The following TGM2 variants were observed in gnomAD, a reference collection of about 807,000 sequenced individuals.
The protein encoded by TGM2 is transglutaminase 2.
A neutral mutation model predicts 75.6 loss-of-function variants in TGM2; 53 were observed. That is an observed-to-expected ratio of 0.70 (90% confidence interval 0.56 to 0.88). TGM2 has a LOEUF of 0.88. Among genes scored for constraint, TGM2 ranks in the 40% least tolerant of loss-of-function variants. The pLI is 0.00. For synonymous variants in TGM2, 374 were observed against 381.1 expected (o/e 0.98, Z 0.22); for missense variants, 842 against 928.5 (o/e 0.91, Z 1.21).
chr20:38,148,238 G>T, intron 4 of TGM2, 149 bp from the exon 5 acceptor site: 1 of 1,033,198 alleles, frequency 9.7e-7, no homozygotes, highest in Non-Finnish European at 1.5e-6. Context: ...TCTCTCTGGT[G>T]GCAGCTTCTC....
At chr20:38,144,951 G>GGGT (rs2075027157) in intron 6 of TGM2, among the ~76,000 whole-genome samples, 3 of 152,196 alleles carry the variant, frequency 2.0e-5, no homozygotes, top group South Asian at 2.1e-4. Context: ...AGGGTGACCA[G>GGGT]GATGACCAGG....
intron 6 of TGM2, among the ~76,000 whole-genome samples, chr20:38,143,825 G>A (rs1452249312): frequency 1.3e-5 from 2 of 152,212 alleles, no homozygotes; most frequent in Admixed American, 6.5e-5. Context: ...TTGGGAGTGG[G>A]GGAGAAGGGA....
chr20:38,149,069 G>A (rs2075081666), intron 4 of TGM2, among the ~76,000 whole-genome samples: 1 of 152,080 alleles, frequency 6.6e-6, no homozygotes, highest in Non-Finnish European at 1.5e-5. Context: ...CTCATCTCTT[G>A]GGGCTCCTTC....
rs939487246 is a variant in TGM2 at position 38,141,458 on chromosome 20, A to G, written c.996-73T>C. 24 of 1,124,972 alleles carry G rather than the reference A, an allele frequency of 2.1e-5. No individual in the cohort carries two copies. The Admixed American group carries it at 4.2e-4, about 20-fold the overall frequency. 69.7% of individuals were successfully genotyped at this position (1,124,972 alleles called of 1,614,324 possible). On this transcript the variant is annotated intron_variant, in intron 7 of 12. Coordinates refer to ENST00000361475, the MANE Select transcript of TGM2 (RefSeq NM_004613.4). ...CATCGCCACCTCCCACGGGCAGACC[A>G]TGCATTCATGTCCCCAGATGCAAGC...
chr20:38,166,959 C>T (rs1342362734), upstream of TGM2, among the ~76,000 whole-genome samples: 1 of 152,148 alleles, frequency 6.6e-6, no homozygotes, highest in African/African-American at 2.4e-5. Flanking sequence ...TCCCACTCTG[C>T]CCCTGACCAG....
At position 38,128,181 on chromosome 20, in the gene TGM2, C is replaced by T. The variant is rs546663158; in HGVS notation, c.*2038G>A. On this transcript the variant is annotated 3_prime_UTR_variant, in exon 13 of 13. Transcript: ENST00000361475. ...GCAGGGAAAGAAAAGGAGGGGCACT[C>T]CAGGCTCAGGGAACTACATACACAA... 4 of 152,282 alleles carry T rather than the reference C, an allele frequency of 2.6e-5. No individual in the cohort carries two copies. In the East Asian group the frequency reaches 7.7e-4, roughly 29 times the overall value. The allele number at this position is 152,282 out of a possible 1,614,324, so 9.4% of individuals were successfully genotyped here. A position where few individuals can be genotyped will look rare whatever the true frequency, so the allele number is the denominator to read the frequency against.
intron 5 of TGM2, 66 bp from the exon 6 acceptor site, chr20:38,146,960 A>G (rs2075054383): frequency 3.2e-6 from 5 of 1,548,472 alleles, no homozygotes; most frequent in African/African-American, 2.7e-5. Context: ...CGCCTGGGTG[A>G]GCCTGAGTAC....
chr20:38,158,203 G>A (rs1429999759), intron 2 of TGM2, among the ~76,000 whole-genome samples: 2 of 152,210 alleles, frequency 1.3e-5, no homozygotes, highest in Admixed American at 6.5e-5. Flanking sequence ...GTCAGGAAAC[G>A]CATTTCCCTT....
rs2075254299 is a variant in TGM2, at chr20:38,161,582, A to T, written c.28T>A (p.Cys10Ser). 2 of 1,613,934 alleles carry T rather than the reference A, an allele frequency of 1.2e-6. No individual in the cohort carries two copies. Among genetic ancestry groups the T allele is most frequent in the Non-Finnish European group, 8.5e-7 (1 of 1,179,980 alleles). The change falls in exon 2 of 13, where the codon TGT (cysteine) becomes AGT (serine). Residue 10 changes from cysteine to serine, a missense_variant. Physicochemically the swap from Cys to Ser is moderately radical, Grantham distance 112. Coordinates refer to ENST00000361475, the MANE Select transcript of TGM2 (RefSeq NM_004613.4). ...CCATTGGTCTCCAGCTCCAGATCAC[A>T]CCTCTCTAAGACCAGCTCTATGGAA... MAEELVLER[C>S]DLELETNGRD...
chr20:38,152,950 C>T (rs527517818), intron 3 of TGM2, among the ~76,000 whole-genome samples: 1 of 151,356 alleles, frequency 6.6e-6, no homozygotes, highest in African/African-American at 2.4e-5. Flanking sequence ...AGGGTGGGGA[C>T]ACCGGCGTGT....
chr20:38,151,005 G>A lies in TGM2; in HGVS notation c.486C>T (p.Thr162=). The part of the protein sequence containing the change: ...SEEERQEYVL[T]QQGFIYQGSA... ...AGCCCTGGTAGATAAAGCCCTGCTG[G>A]GTGAGGACATACTCCTGCCGCTCCT... is the stretch of plus-strand genomic sequence containing the variant. Residue 162 remains threonine (T), a synonymous_variant, in exon 4 of 13, where the codon ACC becomes ACT. Transcript: ENST00000361475. The A allele has an allele frequency of 6.2e-7, 1 of 1,614,166 alleles. No homozygotes were observed. Among genetic ancestry groups the A allele is most frequent in the Non-Finnish European group, 8.5e-7 (1 of 1,180,020 alleles).
At chr20:38,160,400 G>A (rs1372870248) in intron 2 of TGM2, among the ~76,000 whole-genome samples, 1 of 152,184 alleles carries the variant, frequency 6.6e-6, no homozygotes, top group Non-Finnish European at 1.5e-5. Flanking sequence ...AGACGCCTGG[G>A]GACTTGGTGT....
At chr20:38,134,643 A>G (rs1335512836) in intron 10 of TGM2, among the ~76,000 whole-genome samples, 2 of 152,212 alleles carry the variant, frequency 1.3e-5, no homozygotes, top group Non-Finnish European at 2.9e-5. Flanking sequence ...CTCTGGGGAC[A>G]GTCACCGAGG....
In TGM2 at chr20:38,157,560, T is replaced by C. The variant is rs567257063; in HGVS notation, c.191-1471A>G. 4.7e-4 allele frequency among the ~76,000 whole-genome samples: 71 copies of C among 152,358 alleles called. No individual in the cohort carries two copies. The South Asian group carries it at 0.014, about 30-fold the overall frequency. ...CCAATCTCAGGTTCGAAACTGGCTC[T>C]CTGAACTTCGACAAGTTACTTAGCT... On this transcript the variant is annotated intron_variant, in intron 2 of 12. Coordinates refer to ENST00000361475, the MANE Select transcript of TGM2 (RefSeq NM_004613.4).
intron 2 of TGM2, among the ~76,000 whole-genome samples, chr20:38,161,141 G>A (rs566264700): frequency 6.6e-6 from 1 of 152,314 alleles, no homozygotes; most frequent in Non-Finnish European, 1.5e-5. Flanking sequence ...CTGGTTGAAG[G>A]CTGACCTGCA....
chr20:38,138,024 G>C lies in TGM2; in HGVS notation c.1615+89C>G, dbSNP rs548642082. 179 of 1,497,394 alleles carry C rather than the reference G, an allele frequency of 1.2e-4. 4 individuals are homozygous for C. In the Middle Eastern group the frequency reaches 6.0e-3, roughly 50 times the overall value. The allele number at this position is 1,497,394 out of a possible 1,614,324, so 92.8% of individuals were successfully genotyped here. ...TCAGCGCCATGTAAGTGTCTGTGGGGTGAAATCACACATGCTAAGTGGTTA... is the reference window on the plus strand; with the variant it reads ...TCAGCGCCATGTAAGTGTCTGTGGGCTGAAATCACACATGCTAAGTGGTTA... On this transcript the variant is annotated intron_variant, in intron 10 of 12. Transcript: ENST00000361475.
intron 8 of TGM2, 69 bp from the exon 9 acceptor site, chr20:38,139,723 A>G: frequency 6.3e-7 from 1 of 1,596,110 alleles, no homozygotes; most frequent in African/African-American, 1.3e-5. Context: ...AAAACGCTCC[A>G]CAATTCAATC....
intron 10 of TGM2, 35 bp downstream of exon 10, chr20:38,138,078 C>A: frequency 6.4e-7 from 1 of 1,552,362 alleles, no homozygotes. Flanking sequence ...TGTCAGTTGG[C>A]GGTCAACAAA....
chr20:38,132,269 G>A (rs954750317), intron 11 of TGM2, 71 bp downstream of exon 11: 11 of 1,563,908 alleles, frequency 7.0e-6, no homozygotes, highest in African/African-American at 5.4e-5. Flanking sequence ...TGTGGGGTGG[G>A]GGTAGGGATC....
Sources: gnomAD v4.1 joint callset for allele counts (sites outside exome capture counted in the v4.1 genomes callset) on GRCh38, gnomAD v4.1.1 for gene constraint, MANE v1.5 for transcripts, NCBI Gene and HGNC (gene_info 2026-07-23, HGNC 2026-07-21) for gene names.